KNTC1: variants seen among roughly 807,000 people sequenced by gnomAD.
The protein encoded by KNTC1 is kinetochore associated 1.
KNTC1 carries 253 observed loss-of-function variants against 314.4 expected under a neutral mutation model. That is an observed-to-expected ratio of 0.80 (90% CI 0.73 to 0.89). The LOEUF is 0.89. KNTC1 is among the 40% of genes least tolerant of loss of function. The pLI, the probability that KNTC1 is intolerant of heterozygous loss-of-function variation, is 0.00. For missense variants in KNTC1, 2,475 were observed against 2,572.9 expected, an observed-to-expected ratio of 0.96 and a Z score of 0.82; for synonymous variants, 901 against 901.4, an observed-to-expected ratio of 1.00 and a Z score of 0.01.
At chr12:122,535,470 G>T (rs1961720369) in intron 3 of KNTC1, among the ~76,000 whole-genome samples, 1 of 152,088 alleles carries the variant, frequency 6.6e-6, no homozygotes, top group African/African-American at 2.4e-5. Flanking sequence ...GTGAAATCCC[G>T]TTTTCTCTAC....
At chr12:122,580,477 C>T in intron 32 of KNTC1, 126 bp from the exon 33 acceptor site, 1 of 607,928 alleles carries the variant, frequency 1.6e-6, no homozygotes, top group Admixed American at 3.3e-5. Context: ...TGTATATTAT[C>T]ATTTGAGAAG....
intron 41 of KNTC1, 67 bp downstream of exon 41, chr12:122,590,802 G>T: frequency 6.8e-7 from 1 of 1,477,386 alleles, no homozygotes; most frequent in Non-Finnish European, 9.2e-7. Flanking sequence ...AAATGAAGTT[G>T]GTTTTGCCAC....
rs67712465 is a variant in KNTC1 at position 122,618,468 on chromosome 12, TG to T, written c.6086-13del. On this transcript the variant is annotated splice_polypyrimidine_tract_variant and intron_variant, in intron 58 of 63. Transcript: ENST00000333479. ...TGTGTGTATATCATGGTTGTTTTTT[TG>T]TTTTGTTTTCAGCCTCTTGTCCTTT... 4,282 of 1,556,480 alleles carry T rather than the reference TG, an allele frequency of 2.8e-3. 31 individuals carry two copies. In the African/African-American group the frequency reaches 0.036, roughly 13 times the overall value.
At chr12:122,621,245 A>G (rs953229492) in intron 60 of KNTC1, among the ~76,000 whole-genome samples, 1 of 152,258 alleles carries the variant, frequency 6.6e-6, no homozygotes, top group Non-Finnish European at 1.5e-5. Flanking sequence ...GAGAACAAGT[A>G]GAACAAAGCA....
intron 45 of KNTC1, 79 bp from the exon 46 acceptor site, chr12:122,602,490 T>C (rs1872057591): frequency 4.8e-6 from 4 of 836,272 alleles, no homozygotes. Flanking sequence ...AAACTTTTGA[T>C]GGTATACTAT....
At position 122,561,920 on chromosome 12, in the gene KNTC1, G is replaced by T; in HGVS notation, c.1489-1G>T. The T allele has an allele frequency of 1.9e-6, 3 of 1,567,622 alleles. No individual in the cohort carries two copies. Among genetic ancestry groups the T allele is most frequent in the Non-Finnish European group, 1.8e-6 (2 of 1,142,600 alleles). On this transcript the variant is annotated splice_acceptor_variant, in intron 18 of 63. Transcript: ENST00000333479. LOFTEE classifies it high-confidence loss of function. Reference sequence around the variant, plus strand: ...CTGTATTTCTTATTATTCTTACTTAGCTTTTGAAGAAAGAAGATAAAACTG... The same window carrying T: ...CTGTATTTCTTATTATTCTTACTTATCTTTTGAAGAAAGAAGATAAAACTG...
At chr12:122,576,648 T>G (rs1965044838) in intron 29 of KNTC1, among the ~76,000 whole-genome samples, 1 of 152,072 alleles carries the variant, frequency 6.6e-6, no homozygotes, top group Admixed American at 6.6e-5. Context: ...GCCACTGCAC[T>G]GTAGCCTGGC....
Position 122,584,278 on chromosome 12 carries a change from C to A in KNTC1, c.3264C>A (p.Ser1088Arg). The A allele has an allele frequency of 6.2e-7, 1 of 1,601,534 alleles. No individual in the cohort carries two copies. The highest frequency in any genetic ancestry group is 8.5e-7 in the Non-Finnish European group (1 of 1,172,166). Residue 1088 changes from serine to arginine, a missense_variant and splice_region_variant, in exon 35 of 64, where the codon AGC (serine) becomes AGA (arginine). Coordinates refer to ENST00000333479, the MANE Select transcript of KNTC1 (RefSeq NM_014708.6). ...GNIKTALKKC[S>R]DLFKYHCNAD... ...TACCAATACTTTCTTTCTTCCAAAG[C>A]GACTTGTTTAAGTATCACTGCAATG...
rs376999202 is a variant in KNTC1 at position 122,619,080 on chromosome 12, C to T, written c.6149+535C>T. Among the ~76,000 whole-genome samples, 232 of 141,748 alleles carry T rather than the reference C, an allele frequency of 1.6e-3. 2 individuals are homozygous for T. The South Asian group carries it at 0.041, about 25-fold the overall frequency. 93.0% of individuals were successfully genotyped at this position (141,748 alleles called of 152,430 possible). Reference sequence around the variant, plus strand: ...TTTGTTTTGTTTTTTGTTTTTGAGACGGAGTCTTGCTCTGTCACCCAGGCT... The same window carrying T: ...TTTGTTTTGTTTTTTGTTTTTGAGATGGAGTCTTGCTCTGTCACCCAGGCT... On this transcript the variant is annotated intron_variant, in intron 59 of 63. Coordinates refer to ENST00000333479, the MANE Select transcript of KNTC1 (RefSeq NM_014708.6).
chr12:122,606,442 T>C (rs1872601295), intron 51 of KNTC1, among the ~76,000 whole-genome samples: 1 of 152,058 alleles, frequency 6.6e-6, no homozygotes, highest in East Asian at 1.9e-4. Context: ...GGTCTTGAAC[T>C]CCCGACCTCA....
At chr12:122,607,113 G>A (rs1015987129) in intron 51 of KNTC1, among the ~76,000 whole-genome samples, 6 of 152,044 alleles carry the variant, frequency 3.9e-5, no homozygotes, top group Admixed American at 2.0e-4. Context: ...GCTCAGGCTG[G>A]AGGGCAGTGG....
chr12:122,606,210 A>C (rs1872567217), intron 51 of KNTC1, among the ~76,000 whole-genome samples: 1 of 149,892 alleles, frequency 6.7e-6, no homozygotes, highest in Admixed American at 6.6e-5. Context: ...TAAGTTTTAA[A>C]GAGATTGTTT....
chr12:122,547,633 A>G, intron 11 of KNTC1, 103 bp downstream of exon 11: 3 of 783,366 alleles, frequency 3.8e-6, no homozygotes, highest in Non-Finnish European at 6.3e-6. Flanking sequence ...TCTAAACAAC[A>G]CTGTGAAACA....
At position 122,527,263 on chromosome 12, in the gene KNTC1, G is replaced by A. The variant is rs1021709506; in HGVS notation, c.-162G>A. 1 of 255,508 alleles carries A rather than the reference G, an allele frequency of 3.9e-6. No homozygotes were observed. Among genetic ancestry groups the A allele is most frequent in the South Asian group, 5.5e-5 (1 of 18,176 alleles). The allele number at this position is 255,508 out of a possible 1,614,324, so 15.8% of individuals were successfully genotyped here. Reference sequence around the variant, plus strand: ...GTTCTCCCGCCAATTTAAGCCTGTGGCATGGAACCTAAAGACTAGAGGCGG... The same window carrying A: ...GTTCTCCCGCCAATTTAAGCCTGTGACATGGAACCTAAAGACTAGAGGCGG... On this transcript the variant is annotated 5_prime_UTR_variant, in exon 1 of 64. Transcript: ENST00000333479.
At chr12:122,541,441 G>T (rs532476979) in intron 5 of KNTC1, among the ~76,000 whole-genome samples, 1 of 151,132 alleles carries the variant, frequency 6.6e-6, no homozygotes, top group South Asian at 2.1e-4. Context: ...CCACTACCCG[G>T]GTTCAAGCAA....
chr12:122,597,850 C>G lies in KNTC1; in HGVS notation c.4475C>G (p.Pro1492Arg). The change falls in exon 44 of 64, where the codon CCC (proline) becomes CGC (arginine). Residue 1492 changes from proline to arginine, a missense_variant. Physicochemically the swap from Pro to Arg is moderately radical, Grantham distance 103. Coordinates refer to ENST00000333479, the MANE Select transcript of KNTC1 (RefSeq NM_014708.6). ...ASMDSAKRRH[P>R]KLLAKALEMV... ...ATGGACTCTGCAAAGCGGCGGCATC[C>G]CAAACTCCTGGCCAAAGCCCTTGAG... 1 of 1,614,020 alleles carries G rather than the reference C, an allele frequency of 6.2e-7. No individual in the cohort carries two copies. The highest frequency in any genetic ancestry group is 8.5e-7 in the Non-Finnish European group (1 of 1,179,902).
At chr12:122,561,288 CTGGG>C (rs1963952564) in intron 18 of KNTC1, among the ~76,000 whole-genome samples, 2 of 151,296 alleles carry the variant, frequency 1.3e-5, no homozygotes, top group African/African-American at 4.9e-5. Flanking sequence ...GCACTCCAAC[CTGGG>C]TGACAGAGCA....
At chr12:122,591,993 C>T (rs1027521559) in intron 42 of KNTC1, among the ~76,000 whole-genome samples, 8 of 152,188 alleles carry the variant, frequency 5.3e-5, no homozygotes, top group South Asian at 2.1e-4. Context: ...AGGCCAGAGC[C>T]GGCTCCCTCA....
At position 122,568,251 on chromosome 12, in the gene KNTC1, G is replaced by A; in HGVS notation, c.1605-10G>A. ...TAAAACTGACTTTTTTCCCTTCTTTGTCTATTCAGTGGCAGTTCTTGGATT... is the reference window on the plus strand; with the variant it reads ...TAAAACTGACTTTTTTCCCTTCTTTATCTATTCAGTGGCAGTTCTTGGATT... On this transcript the variant is annotated splice_polypyrimidine_tract_variant and intron_variant, in intron 20 of 63. Coordinates refer to ENST00000333479, the MANE Select transcript of KNTC1 (RefSeq NM_014708.6). 1 of 1,299,368 alleles carries A rather than the reference G, an allele frequency of 7.7e-7. No homozygotes were observed. The highest frequency in any genetic ancestry group is 1.1e-6 in the Non-Finnish European group (1 of 910,970). 80.5% of individuals were successfully genotyped at this position (1,299,368 alleles called of 1,614,324 possible).
Sources: gnomAD v4.1 joint callset for allele counts (sites outside exome capture counted in the v4.1 genomes callset) on GRCh38, gnomAD v4.1.1 for gene constraint, MANE v1.5 for transcripts, NCBI Gene and HGNC (gene_info 2026-07-23, HGNC 2026-07-21) for gene names.